The following RIF1 variants were observed in gnomAD, a reference collection of about 807,000 sequenced individuals.
The protein encoded by RIF1 is telomere-associated protein RIF1.
In RIF1, 45 loss-of-function variants were observed where a neutral mutation model predicts 247.1. The ratio of observed to expected loss-of-function variants is 0.18; its 90% CI spans 0.14 to 0.23. The LOEUF (loss-of-function observed/expected upper bound fraction) is 0.23, where lower values mean the gene tolerates loss of function less well. RIF1 is among the 10% of genes least tolerant of loss of function. The pLI, the probability that RIF1 is intolerant of heterozygous loss-of-function variation, is 1.00. For synonymous variants in RIF1, 1,087 were observed against 978.8 expected, an observed-to-expected ratio of 1.11 and a Z score of -2.06; for missense variants, 2,967 against 2,862.5, an observed-to-expected ratio of 1.04 and a Z score of -0.83.
chr2:151,476,430 G>C lies in RIF1; in HGVS notation c.*1359G>C, dbSNP rs994977710. On this transcript the variant is annotated 3_prime_UTR_variant, in exon 36 of 36. Transcript: ENST00000444746. The stretch of plus-strand genomic sequence containing the variant: ...TGACAGTATATCTCACTTCTTCTTT[G>C]AATAGAATGAGTGAGTGATCTCAGT... The C allele has an allele frequency of 1.3e-5, 2 of 151,982 alleles. No individual in the cohort carries two copies. The highest frequency in any genetic ancestry group is 4.8e-5 in the African/African-American group (2 of 41,368). The allele number at this position is 151,982 out of a possible 1,614,324, so 9.4% of individuals were successfully genotyped here.
chr2:151,484,600 C>CA (rs1284893738), downstream of RIF1, among the ~76,000 whole-genome samples: 3 of 151,976 alleles, frequency 2.0e-5, no homozygotes, highest in Non-Finnish European at 2.9e-5. Context: ...TGTCTCCAAA[C>CA]AAAAAAATGG....
chr2:151,521,473 A>G, the RIF1 span, among the ~76,000 whole-genome samples: 399 of 152,266 alleles, frequency 2.6e-3, 10 homozygotes, highest in Non-Finnish European at 4.9e-4. Context: ...ACCAAAGGCA[A>G]CTTTTCCTAA....
intron 3 of RIF1, among the ~76,000 whole-genome samples, chr2:151,413,835 TGAA>T (rs1381186379): frequency 1.3e-5 from 2 of 152,210 alleles, no homozygotes; most frequent in African/African-American, 4.8e-5. Context: ...GAATAACAAT[TGAA>T]GATTCCTTGG....
At chr2:151,467,138 A>C (rs1697046029) in intron 30 of RIF1, among the ~76,000 whole-genome samples, 2 of 152,004 alleles carry the variant, frequency 1.3e-5, no homozygotes, top group Non-Finnish European at 2.9e-5. Context: ...CTGAGGCAGG[A>C]GAATTGCTTG....
the RIF1 span, among the ~76,000 whole-genome samples, chr2:151,521,645 T>C: frequency 6.6e-6 from 1 of 152,350 alleles, no homozygotes; most frequent in African/African-American, 2.4e-5. Context: ...AAAGTCCTCC[T>C]TCTGTCTTTT....
rs149144403 is a variant in RIF1, at chr2:151,463,509, G to A, written c.3989G>A (p.Gly1330Asp). 8 of 1,613,858 alleles carry A rather than the reference G, an allele frequency of 5.0e-6. No homozygotes were observed. In the African/African-American group the frequency reaches 1.1e-4, roughly 22 times the overall value. ...GIVVLENNPPGLLNQTECVSD... is the reference protein window; with the variant it reads ...GIVVLENNPPDLLNQTECVSD... ...GTAGTCTTAGAAAATAACCCACCTG[G>A]TTTGCTTAATCAAACAGAATGTGTG... The change falls in exon 30 of 36, where the codon GGT becomes GAT. Residue 1330 changes from glycine to aspartate, a missense_variant. Physicochemically the swap from Gly to Asp is moderately conservative, Grantham distance 94. Around this residue, in one of 7 missense-constraint regions of RIF1, gnomAD observed 2,028 missense variants for 1,825.6 expected, o/e 1.11. Coordinates refer to ENST00000444746, the MANE Select transcript of RIF1 (RefSeq NM_018151.5).
intron 35 of RIF1, among the ~76,000 whole-genome samples, chr2:151,474,295 C>G (rs1262209563): frequency 6.6e-6 from 1 of 152,202 alleles, no homozygotes; most frequent in Non-Finnish European, 1.5e-5. Context: ...TATACACTTT[C>G]TCTTCTAGTT....
At position 151,478,073 on chromosome 2, in the gene RIF1, A is replaced by G. The variant is rs568217832; in HGVS notation, c.*3002A>G. On this transcript the variant is annotated 3_prime_UTR_variant, in exon 36 of 36. Transcript: ENST00000444746. ...AGTGGATTTAAATTTTCAATATTTC[A>G]GTGACCTCATTGTTAAAGCTGCTTT... is the stretch of plus-strand genomic sequence containing the variant. The G allele has an allele frequency of 2.6e-5, 4 of 152,336 alleles. No homozygotes were observed. The highest frequency in any genetic ancestry group is 7.2e-5 in the African/African-American group (3 of 41,576). The allele number at this position is 152,336 out of a possible 1,614,324, so 9.4% of individuals were successfully genotyped here. A position where few individuals can be genotyped will look rare whatever the true frequency, so the allele number is the denominator to read the frequency against.
chr2:151,527,336 C>T, the RIF1 span: 9 of 723,022 alleles, frequency 1.2e-5, no homozygotes, highest in South Asian at 6.1e-5. Context: ...GCTCGCCTAT[C>T]GCTCCCCCAA....
At chr2:151,509,694 C>G (rs1217704222), downstream of RIF1, among the ~76,000 whole-genome samples, 5 of 152,180 alleles carry the variant, frequency 3.3e-5, no homozygotes, top group African/African-American at 1.2e-4. Context: ...GTGACGTGAT[C>G]TTGGCTCACT....
chr2:151,511,827 T>G (rs1053695248), downstream of RIF1, among the ~76,000 whole-genome samples: 3 of 152,230 alleles, frequency 2.0e-5, no homozygotes, highest in Non-Finnish European at 4.4e-5. Context: ...CAGTCTTGTT[T>G]GAGATTGGTA....
At position 151,464,353 on chromosome 2, in the gene RIF1, T is replaced by A; in HGVS notation, c.4833T>A (p.Asp1611Glu). 6.2e-7 allele frequency: 1 copy of A among 1,610,906 alleles called. No individual in the cohort carries two copies. The highest frequency in any genetic ancestry group is 8.5e-7 in the Non-Finnish European group (1 of 1,179,096). The change falls in exon 30 of 36, where the codon GAT becomes GAA. Residue 1611 changes from aspartate (D) to glutamate (E), a missense_variant. By Grantham distance (45) the Asp-to-Glu change is conservative. Coordinates refer to ENST00000444746, the MANE Select transcript of RIF1 (RefSeq NM_018151.5). Reference sequence around the variant, plus strand: ...ATTATAAAGCAACTTCTGAAGAAGATGTAAGCATAAAATCTCCGATTTGCG... The same window carrying A: ...ATTATAAAGCAACTTCTGAAGAAGAAGTAAGCATAAAATCTCCGATTTGCG... ...SHDYKATSEE[D>E]VSIKSPICEK...
chr2:151,420,908 T>C (rs1688058546), intron 7 of RIF1, among the ~76,000 whole-genome samples: 1 of 152,210 alleles, frequency 6.6e-6, no homozygotes, highest in East Asian at 1.9e-4. Context: ...CCAGACATTT[T>C]ACTTCATTCC....
At chr2:151,488,319 G>GA (rs1287781264) in intron 9 of RIF1, among the ~76,000 whole-genome samples, 1 of 151,764 alleles carries the variant, frequency 6.6e-6, no homozygotes, top group African/African-American at 2.4e-5. Context: ...CTAGATTTTG[G>GA]AATTTGCCTG....
intron 9 of RIF1, chr2:151,492,046 T>G: frequency 1.9e-6 from 3 of 1,565,608 alleles, no homozygotes; most frequent in Non-Finnish European, 2.6e-6. Context: ...ACTTTTGTTC[T>G]TCTACCCCCT....
At chr2:151,498,523 G>C (rs2061912448) in intron 10 of RIF1, among the ~76,000 whole-genome samples, 1 of 152,068 alleles carries the variant, frequency 6.6e-6, no homozygotes, top group South Asian at 2.1e-4. Flanking sequence ...ATCTTCAAAA[G>C]CAAAGGAATG....
intron 9 of RIF1, chr2:151,493,823 A>C (rs1369804318): frequency 6.3e-7 from 1 of 1,588,302 alleles, no homozygotes; most frequent in East Asian, 2.3e-5. Flanking sequence ...TCTCAGGAGT[A>C]AAGGGTGTGG....
At chr2:151,493,986 A>C (rs2058476994) in intron 9 of RIF1, 1 of 903,856 alleles carries the variant, frequency 1.1e-6, no homozygotes. Flanking sequence ...AACACCTCTC[A>C]AGAAGAAAGC....
chr2:151,502,388 A>T (rs1474466425), intron 11 of RIF1, among the ~76,000 whole-genome samples: 1 of 23,394 alleles, frequency 4.3e-5, no homozygotes, highest in East Asian at 2.8e-3. Context: ...ATCTAAACAT[A>T]AAAAAAAAAA....
Sources: gnomAD v4.1 joint callset for allele counts (sites outside exome capture counted in the v4.1 genomes callset) on GRCh38, gnomAD v4.1.1 for gene constraint, gnomAD v4.1.1 regional missense constraint, MANE v1.5 for transcripts, NCBI Gene and HGNC (gene_info 2026-07-23, HGNC 2026-07-21) for gene names.